The following RGS12 variants were observed in gnomAD, a reference collection of about 807,000 sequenced individuals.
RGS12 encodes regulator of G-protein signaling 12.
A neutral mutation model predicts 120.1 loss-of-function variants in RGS12; 66 were observed. The ratio of observed to expected loss-of-function variants is 0.55; its 90% CI spans 0.45 to 0.67. RGS12 has a LOEUF of 0.67. Among genes scored for constraint, RGS12 ranks in the 30% least tolerant of loss-of-function variants. RGS12 has a pLI of 0.00. For synonymous variants in RGS12, 827 were observed against 804.7 expected (o/e 1.03, Z -0.47); for missense variants, 1,859 against 1,957.7 (o/e 0.95, Z 0.95).
Position 3,363,501 on chromosome 4 carries a change from G to C in RGS12, c.1998+20448G>C, listed in dbSNP as rs566948837. On this transcript the variant is annotated intron_variant, in intron 3 of 17. Coordinates refer to ENST00000336727, the MANE Select transcript of RGS12 (RefSeq NM_001394154.1). ...AGCCGCGGGGCCTGAACTGCTGCTT[G>C]TTGGCGGTGGGGAGAAGTGCAGCGG... Among the ~76,000 whole-genome samples the C allele has an allele frequency of 1.2e-3, 189 of 152,170 alleles. 1 individual carries two copies. The highest frequency in any genetic ancestry group is 3.9e-3 in the African/African-American group (161 of 41,508).
chr4:3,345,581 A>T (rs570989586), intron 3 of RGS12, among the ~76,000 whole-genome samples: 6 of 152,288 alleles, frequency 3.9e-5, no homozygotes, highest in Non-Finnish European at 7.4e-5. Flanking sequence ...CATTTGAGCA[A>T]CCAGGGAGGT....
chr4:3,374,216 C>T lies in RGS12; in HGVS notation c.1999-12200C>T, dbSNP rs939925241. On this transcript the variant is annotated intron_variant, in intron 3 of 17. Transcript: ENST00000336727. This position sits in a 1 kb window ranked among gnomAD's most constrained non-coding sequence, Gnocchi z 6.3. ...GCATGATGCAGGGACCCCGGCCCTC[C>T]GCAGACAGCAGGAGCTGCCGAGCTC... Among the ~76,000 whole-genome samples the T allele has an allele frequency of 6.6e-6, 1 of 152,264 alleles. No homozygotes were observed. The highest frequency in any genetic ancestry group is 2.1e-4 in the South Asian group (1 of 4,838).
At chr4:3,420,098 G>T (rs1722840045) in intron 9 of RGS12, among the ~76,000 whole-genome samples, 1 of 152,212 alleles carries the variant, frequency 6.6e-6, no homozygotes, top group Non-Finnish European at 1.5e-5. Flanking sequence ...GTTAGTTGAG[G>T]TTGGTGAAAA....
chr4:3,393,563 G>A (rs561698518), intron 4 of RGS12, among the ~76,000 whole-genome samples: 1 of 152,288 alleles, frequency 6.6e-6, no homozygotes, highest in Admixed American at 6.5e-5. Flanking sequence ...GGTGGTCACA[G>A]GGCTCACCTT....
rs1331777940 is a variant in RGS12, at chr4:3,430,681, C to T, written c.3840C>T (p.Ser1280=). The part of the protein sequence containing the change: ...SPSTSPGSAS[S]PPGPPGTTPP... ...CCACCAGCCCGGGCTCAGCCTCCAG[C>T]CCCCCTGGACCTCCTGGGACGACCC... is the stretch of plus-strand genomic sequence containing the variant. The change falls in exon 17 of 18, where the codon AGC becomes AGT. Residue 1280 remains serine, a synonymous_variant. Transcript: ENST00000336727. 1.3e-6 allele frequency: 2 copies of T among 1,575,402 alleles called. No individual in the cohort carries two copies. The highest frequency in any genetic ancestry group is 1.8e-5 in the Admixed American group (1 of 55,562).
chr4:3,386,532 G>T, intron 4 of RGS12, 95 bp downstream of exon 4: 1 of 1,112,014 alleles, frequency 9.0e-7, no homozygotes, highest in Non-Finnish European at 1.3e-6. Context: ...CAGGAAGGAC[G>T]GGTTGTTTGC....
At chr4:3,393,783 T>C (rs1719759568) in intron 4 of RGS12, among the ~76,000 whole-genome samples, 1 of 152,154 alleles carries the variant, frequency 6.6e-6, no homozygotes, top group Non-Finnish European at 1.5e-5. Context: ...GTGATATAAT[T>C]TTTTTCACCT....
intron 2 of RGS12, among the ~76,000 whole-genome samples, chr4:3,320,414 G>A (rs1241745451): frequency 6.6e-6 from 1 of 152,174 alleles, no homozygotes; most frequent in African/African-American, 2.4e-5. Flanking sequence ...TGGAAATAAC[G>A]GTGTGGCGGT....
intron 12 of RGS12, 48 bp downstream of exon 12, chr4:3,423,026 C>T: frequency 6.7e-7 from 1 of 1,481,878 alleles, no homozygotes; most frequent in Non-Finnish European, 9.4e-7. Context: ...AGAGCCAACC[C>T]CGTGTGCCCA....
intron 3 of RGS12, among the ~76,000 whole-genome samples, chr4:3,353,468 G>A (rs575350345): frequency 6.4e-4 from 97 of 152,250 alleles, no homozygotes; most frequent in South Asian, 2.1e-3. Flanking sequence ...TTGTAGGACC[G>A]GACTGGTATG....
chr4:3,416,816 G>A, intron 7 of RGS12, 97 bp from the exon 8 acceptor site: 1 of 1,096,152 alleles, frequency 9.1e-7, no homozygotes, highest in East Asian at 2.4e-5. Flanking sequence ...TTCAGGACAG[G>A]GCCAGTGGTT....
intron 15 of RGS12, 89 bp downstream of exon 15, chr4:3,428,258 G>T (rs772802544): frequency 8.4e-7 from 1 of 1,193,358 alleles, no homozygotes; most frequent in African/African-American, 1.5e-5. Flanking sequence ...CTTCCTTACC[G>T]CCTGCTTATC....
intron 1 of RGS12, among the ~76,000 whole-genome samples, chr4:3,303,737 T>C (rs1165893137): frequency 2.0e-5 from 3 of 152,250 alleles, no homozygotes; most frequent in Non-Finnish European, 4.4e-5. Context: ...GTTCACACTT[T>C]ATGTGATTAG....
rs1717463918 is a variant in RGS12, at chr4:3,374,833, C to A, written c.1999-11583C>A. ...AGAGTGAGCAGCGCCATCCTAGCCG[C>A]CCCTGCTCTTTGCCCCATGGCTTTC... On this transcript the variant is annotated intron_variant, in intron 3 of 17. Transcript: ENST00000336727. This position sits in a 1 kb window ranked among gnomAD's most constrained non-coding sequence, Gnocchi z 6.3. 6.6e-6 allele frequency among the ~76,000 whole-genome samples: 1 copy of A among 152,194 alleles called. No individual in the cohort carries two copies. The highest frequency in any genetic ancestry group is 1.5e-5 in the Non-Finnish European group (1 of 68,046).
chr4:3,428,348 C>T, intron 15 of RGS12, 179 bp downstream of exon 15: 1 of 789,630 alleles, frequency 1.3e-6, no homozygotes, highest in Non-Finnish European at 2.2e-6. Flanking sequence ...CTGTGAAGGA[C>T]TGGCTTTCTT....
intron 4 of RGS12, among the ~76,000 whole-genome samples, chr4:3,400,628 A>G (rs148151252): frequency 1.9e-4 from 29 of 149,510 alleles, no homozygotes; most frequent in Middle Eastern, 3.6e-3. Flanking sequence ...TTCTATTAGT[A>G]ATAGTATTAG....
chr4:3,309,765 A>G (rs1293308638), intron 1 of RGS12, among the ~76,000 whole-genome samples: 46 of 130,684 alleles, frequency 3.5e-4, no homozygotes, highest in Middle Eastern at 4.8e-3. Flanking sequence ...AGGAGCTGGG[A>G]CTCGGGAATG....
chr4:3,299,959 C>T (rs1723589127), intron 1 of RGS12, among the ~76,000 whole-genome samples: 1 of 152,202 alleles, frequency 6.6e-6, no homozygotes, highest in African/African-American at 2.4e-5. Flanking sequence ...CTCAGCCTGG[C>T]CTGTGGCTGC....
At chr4:3,400,262 T>C (rs1338897527) in intron 4 of RGS12, among the ~76,000 whole-genome samples, 1 of 152,200 alleles carries the variant, frequency 6.6e-6, no homozygotes, top group Non-Finnish European at 1.5e-5. Flanking sequence ...AATTAGCAAA[T>C]CAAATCCAGT....
Sources: allele counts gnomAD v4.1 joint callset (sites outside exome capture counted in the v4.1 genomes callset), GRCh38; gene constraint gnomAD v4.1.1; non-coding constraint Gnocchi (gnomAD v3.1); transcripts MANE v1.5; gene names NCBI Gene and HGNC (gene_info 2026-07-23, HGNC 2026-07-21).